Variants in UGT1A10 observed in about 807,000 individuals in gnomAD.
UGT1A10 encodes UDP-glucuronosyltransferase 1A10.
Under a neutral mutation model 45.8 loss-of-function variants are expected in UGT1A10, and 49 were observed. The observed-to-expected ratio is 1.07, with a 90% confidence interval of 0.85 to 1.36. The LOEUF (loss-of-function observed/expected upper bound fraction) is 1.36, where lower values mean the gene tolerates loss of function less well. Among genes scored for constraint, UGT1A10 ranks in the 40% most tolerant of loss-of-function variants. The pLI is 0.00. For missense variants in UGT1A10, 745 were observed against 668.6 expected, an observed-to-expected ratio of 1.11 and a Z score of -1.26; for synonymous variants, 284 against 249.7, an observed-to-expected ratio of 1.14 and a Z score of -1.29.
rs201577813 is a variant in UGT1A10, at chr2:233,718,850, G to A, written c.856-48184G>A. On this transcript the variant is annotated intron_variant, in intron 1 of 4. Transcript: ENST00000344644. ...CCAGAGGACTCCAGGTTCCCCTGCC[G>A]CGGCTGGCCACAGGACTGCTGCTCC... The A allele has an allele frequency of 1.6e-4, 258 of 1,613,728 alleles. 1 individual carries two copies. In the East Asian group the frequency reaches 4.7e-3, roughly 30 times the overall value.
chr2:233,699,351 C>T (rs2075500801), intron 1 of UGT1A10, among the ~76,000 whole-genome samples: 1 of 152,162 alleles, frequency 6.6e-6, no homozygotes, highest in Non-Finnish European at 1.5e-5. Flanking sequence ...GGGCTAACCT[C>T]TTTTCTTATT....
At chr2:233,767,568 T>C (rs1394271023) in intron 2 of UGT1A10, among the ~76,000 whole-genome samples, 2 of 152,252 alleles carry the variant, frequency 1.3e-5, no homozygotes, top group African/African-American at 4.8e-5. Flanking sequence ...CTTGTTTCAT[T>C]AAGCAAACTT....
chr2:233,689,563 A>AT (rs1226947412), intron 1 of UGT1A10, among the ~76,000 whole-genome samples: 8 of 152,172 alleles, frequency 5.3e-5, no homozygotes, highest in African/African-American at 1.7e-4. Flanking sequence ...GAATTCAGAG[A>AT]TTTTCTGATT....
At chr2:233,712,948 C>T in intron 1 of UGT1A10, 3 of 1,612,658 alleles carry the variant, frequency 1.9e-6, no homozygotes, top group Non-Finnish European at 2.5e-6. Context: ...TTCTAGGAGG[C>T]ACAACGTGGG....
chr2:233,636,907 A>C lies in UGT1A10; in HGVS notation c.385A>C (p.Asn129His), dbSNP rs1575391003. 1 of 1,614,086 alleles carries C rather than the reference A, an allele frequency of 6.2e-7. No homozygotes were observed. The highest frequency in any genetic ancestry group is 8.5e-7 in the Non-Finnish European group (1 of 1,180,012). Residue 129 changes from asparagine to histidine, a missense_variant, in exon 1 of 5, where the codon AAT becomes CAT. Physicochemically the swap from Asn to His is moderately conservative, Grantham distance 68 (BLOSUM62 1). Transcript: ENST00000344644. ...TTTTTCGCATTGCAGGAGTTTGTTT[A>C]ATGACCGAAAATTAGTAGAATACTT... Reference protein sequence around the residue: ...LFFSHCRSLFNDRKLVEYLKE... With the variant: ...LFFSHCRSLFHDRKLVEYLKE...
chr2:233,642,442 A>G (rs560016327), intron 1 of UGT1A10, among the ~76,000 whole-genome samples: 1 of 152,258 alleles, frequency 6.6e-6, no homozygotes, highest in African/African-American at 2.4e-5. Context: ...AATTTCTTTG[A>G]GTTTCCTCAA....
intron 1 of UGT1A10, among the ~76,000 whole-genome samples, chr2:233,670,503 T>A (rs1365967222): frequency 6.6e-6 from 1 of 152,252 alleles, no homozygotes; most frequent in African/African-American, 2.4e-5. Flanking sequence ...GTAGTCTTAA[T>A]AATTGGAAGC....
At chr2:233,664,581 G>T (rs1367723272) in intron 1 of UGT1A10, among the ~76,000 whole-genome samples, 1 of 152,188 alleles carries the variant, frequency 6.6e-6, no homozygotes, top group African/African-American at 2.4e-5. Flanking sequence ...TGAAGCAGGA[G>T]CATGTCACAT....
chr2:233,688,685 A>G (rs2125540421), intron 1 of UGT1A10, among the ~76,000 whole-genome samples: 1 of 152,304 alleles, frequency 6.6e-6, no homozygotes. Flanking sequence ...AAAAAATTTA[A>G]TATTAAACGT....
intron 1 of UGT1A10, chr2:233,760,619 A>G: frequency 6.2e-7 from 1 of 1,614,198 alleles, no homozygotes; most frequent in Non-Finnish European, 8.5e-7. Flanking sequence ...CGTGTGATCA[A>G]AACATACAAG....
intron 1 of UGT1A10, among the ~76,000 whole-genome samples, chr2:233,735,983 G>A (rs541234939): frequency 2.6e-5 from 4 of 152,114 alleles, no homozygotes; most frequent in Non-Finnish European, 5.9e-5. Context: ...TGACAATTAT[G>A]TGTCTTGGAG....
At chr2:233,742,793 T>C (rs1266813463) in intron 1 of UGT1A10, 1 of 152,996 alleles carries the variant, frequency 6.5e-6, no homozygotes, top group Non-Finnish European at 1.5e-5. Context: ...ATCATTAAAT[T>C]AAGCCAGAAG....
In UGT1A10 at chr2:233,637,091, TC is replaced by T. The variant is rs757223437; in HGVS notation, c.573del (p.Asn192MetfsTer4). The T allele has an allele frequency of 6.2e-7, 1 of 1,613,980 alleles. No homozygotes were observed. The highest frequency in any genetic ancestry group is 8.5e-7 in the Non-Finnish European group (1 of 1,179,862). On this transcript the variant is annotated frameshift_variant, in exon 1 of 5. Transcript: ENST00000344644. LOFTEE classifies it high-confidence loss of function. Reference protein sequence around the residue: ...GAQCPAPLSYVPNDLLGFSDA... With the variant: ...GAQCPAPLSYXPNDLLGFSDA... ...CAGTGCCCTGCTCCTCTTTCCTATG[TC>T]CCCAATGATCTCTTAGGGTTCTCAG...
intron 1 of UGT1A10, among the ~76,000 whole-genome samples, chr2:233,639,788 G>A (rs993454135): frequency 6.6e-6 from 1 of 152,138 alleles, no homozygotes; most frequent in South Asian, 2.1e-4. Context: ...GGATTTGGAG[G>A]GGACAAACTT....
rs777947055 is a variant in UGT1A10 at position 233,719,057 on chromosome 2, C to G, written c.856-47977C>G. The G allele has an allele frequency of 2.1e-5, 34 of 1,614,154 alleles. No homozygotes were observed. In the Admixed American group the frequency reaches 2.3e-4, roughly 11 times the overall value. On this transcript the variant is annotated intron_variant, in intron 1 of 4. Transcript: ENST00000344644. ...AAGAGAAATTTTTCACCCTGACAGC[C>G]TATGCTGTTCCATGGACCCAGAAGG...
At chr2:233,734,101 T>C (rs2078479429) in intron 1 of UGT1A10, among the ~76,000 whole-genome samples, 1 of 151,280 alleles carries the variant, frequency 6.6e-6, no homozygotes. Context: ...AAACTTAAAG[T>C]ATAATAATAA....
chr2:233,638,044 C>T (rs188144935), intron 1 of UGT1A10, among the ~76,000 whole-genome samples: 10 of 152,086 alleles, frequency 6.6e-5, no homozygotes, highest in African/African-American at 1.7e-4. Flanking sequence ...ACTTTCCTTG[C>T]GTGAATATAT....
rs1449126487 is a variant in UGT1A10, at chr2:233,713,999, G to T, written c.856-53035G>T. The T allele has an allele frequency of 1.2e-5, 18 of 1,554,686 alleles. No homozygotes were observed. In the East Asian group the frequency reaches 2.8e-4, roughly 24 times the overall value. ...TCTCATTGTTGTAATAGTCTTCAGT[G>T]AGATAAACTTTTAAAGGGTCAATGG... On this transcript the variant is annotated intron_variant, in intron 1 of 4. Transcript: ENST00000344644.
At chr2:233,754,372 G>A (rs994818909) in intron 1 of UGT1A10, 3 of 279,470 alleles carry the variant, frequency 1.1e-5, no homozygotes, top group East Asian at 9.0e-5. Flanking sequence ...TACAATGATC[G>A]AAAGACAAAC....
Sources: gnomAD v4.1 joint callset for allele counts (sites outside exome capture counted in the v4.1 genomes callset) on GRCh38, gnomAD v4.1.1 for gene constraint, MANE v1.5 for transcripts, NCBI Gene and HGNC (gene_info 2026-07-23, HGNC 2026-07-21) for gene names.